RNF150: variants seen among roughly 807,000 people sequenced by gnomAD.
RNF150 encodes the protein ring finger protein 150.
A neutral mutation model predicts 39.3 loss-of-function variants in RNF150; 24 were observed. The observed-to-expected ratio is 0.61, with a 90% CI of 0.44 to 0.86. RNF150 has a LOEUF of 0.86. Among genes scored for constraint, RNF150 ranks in the 40% least tolerant of loss-of-function variants. The pLI is 0.00. For missense variants in RNF150, 502 were observed against 587.8 expected (o/e 0.85, Z 1.51); for synonymous variants, 255 against 227.3 (o/e 1.12, Z -1.10).
intron 1 of RNF150, among the ~76,000 whole-genome samples, chr4:141,014,591 T>C (rs1289678903): frequency 6.6e-6 from 1 of 152,154 alleles, no homozygotes; most frequent in Non-Finnish European, 1.5e-5. Context: ...TAATGATCAG[T>C]GAAACTGAGC....
chr4:141,090,259 A>T (rs1738528906), intron 1 of RNF150, among the ~76,000 whole-genome samples: 1 of 152,154 alleles, frequency 6.6e-6, no homozygotes, highest in Admixed American at 6.5e-5. Flanking sequence ...TCTATGCTTC[A>T]TTTTCATGAG....
chr4:140,889,029 C>T (rs919938337), intron 6 of RNF150, among the ~76,000 whole-genome samples: 2 of 151,752 alleles, frequency 1.3e-5, no homozygotes, highest in African/African-American at 4.8e-5. Context: ...TCTTCTAACT[C>T]TTTAAACAGT....
chr4:141,060,982 C>T (rs182167300), intron 1 of RNF150, among the ~76,000 whole-genome samples: 2 of 152,106 alleles, frequency 1.3e-5, no homozygotes, highest in Admixed American at 6.5e-5. Flanking sequence ...ACACTGGGGC[C>T]TTTTGCGGGG....
chr4:141,090,541 A>G (rs976939810), intron 1 of RNF150, among the ~76,000 whole-genome samples: 1 of 152,216 alleles, frequency 6.6e-6, no homozygotes, highest in African/African-American at 2.4e-5. Context: ...ATACTTAGAA[A>G]GCAATTTTAG....
chr4:141,026,055 G>A (rs946748491), intron 1 of RNF150, among the ~76,000 whole-genome samples: 1 of 152,144 alleles, frequency 6.6e-6, no homozygotes, highest in Non-Finnish European at 1.5e-5. Context: ...AAGCCAGGAA[G>A]AGGGACCTCA....
intron 2 of RNF150, among the ~76,000 whole-genome samples, chr4:140,951,266 G>T (rs1017940649): frequency 6.6e-6 from 1 of 152,072 alleles, no homozygotes; most frequent in African/African-American, 2.4e-5. Flanking sequence ...GCAGGCCTAT[G>T]CTTAGTTTTT....
At chr4:140,885,507 G>A (rs1488462023) in intron 6 of RNF150, among the ~76,000 whole-genome samples, 2 of 149,046 alleles carry the variant, frequency 1.3e-5, no homozygotes, top group African/African-American at 5.0e-5. Flanking sequence ...TGCGATCTCG[G>A]CTCACTGCAA....
upstream of RNF150, among the ~76,000 whole-genome samples, chr4:141,135,725 A>T (rs577585319): frequency 8.8e-4 from 134 of 152,352 alleles, 1 homozygote; most frequent in Middle Eastern, 3.4e-3. Context: ...ACTAAGGCTG[A>T]TGAGTAGGTG....
chr4:140,968,514 T>C (rs1733337566), intron 1 of RNF150, among the ~76,000 whole-genome samples: 1 of 151,908 alleles, frequency 6.6e-6, no homozygotes, highest in African/African-American at 2.4e-5. Context: ...GGAAACAGCA[T>C]GTTTCCACTG....
At chr4:141,001,425 T>C (rs1734664369) in intron 1 of RNF150, among the ~76,000 whole-genome samples, 1 of 152,084 alleles carries the variant, frequency 6.6e-6, no homozygotes, top group African/African-American at 2.4e-5. Flanking sequence ...TAGTCATTAC[T>C]GAATAAAGAC....
At chr4:140,978,918 T>C (rs1579022630) in intron 1 of RNF150, among the ~76,000 whole-genome samples, 2 of 152,328 alleles carry the variant, frequency 1.3e-5, no homozygotes, top group East Asian at 3.9e-4. Flanking sequence ...AGTCAGTTTC[T>C]ATTAGAGCAA....
chr4:140,994,269 G>A (rs1734287444), intron 1 of RNF150, among the ~76,000 whole-genome samples: 1 of 152,214 alleles, frequency 6.6e-6, no homozygotes, highest in African/African-American at 2.4e-5. Flanking sequence ...GAAAGCTGCA[G>A]CCAGATCTCT....
chr4:141,107,320 AC>A (rs1317474187), intron 1 of RNF150, among the ~76,000 whole-genome samples: 1 of 152,162 alleles, frequency 6.6e-6, no homozygotes, highest in African/African-American at 2.4e-5. Flanking sequence ...CATATACATA[AC>A]CCATTTACAT....
In RNF150 at chr4:140,933,344, G is replaced by A. The variant is rs534478414; in HGVS notation, c.891-7271C>T. ...TTACATAACTCAACATATAGAAGAAGCAAAAGTTGAGTTTCCCTCATCTGA... is the reference window on the plus strand; with the variant it reads ...TTACATAACTCAACATATAGAAGAAACAAAAGTTGAGTTTCCCTCATCTGA... On this transcript the variant is annotated intron_variant, in intron 4 of 6. Coordinates refer to ENST00000515673, the MANE Select transcript of RNF150 (RefSeq NM_020724.2). 4.0e-4 allele frequency among the ~76,000 whole-genome samples: 61 copies of A among 152,228 alleles called. No individual in the cohort carries two copies. The South Asian group carries it at 8.7e-3, about 22-fold the overall frequency.
At chr4:141,190,797 T>A (rs1054999696) in intron 1 of RNF150, among the ~76,000 whole-genome samples, 22 of 152,230 alleles carry the variant, frequency 1.4e-4, no homozygotes, top group African/African-American at 5.3e-4. Flanking sequence ...AATCTGCACT[T>A]GGATATGGAG....
At chr4:141,135,317 T>C (rs889831552), upstream of RNF150, among the ~76,000 whole-genome samples, 2 of 152,228 alleles carry the variant, frequency 1.3e-5, no homozygotes, top group African/African-American at 4.8e-5. Flanking sequence ...GGCCAGAAGA[T>C]CTTCGTTTCT....
At chr4:141,167,616 C>A (rs1406066968) in intron 1 of RNF150, among the ~76,000 whole-genome samples, 1 of 152,082 alleles carries the variant, frequency 6.6e-6, no homozygotes, top group Non-Finnish European at 1.5e-5. Context: ...TGGAAGAGAA[C>A]AACAGCCTCA....
intron 1 of RNF150, among the ~76,000 whole-genome samples, chr4:141,210,745 T>C (rs78108605): frequency 0.047 from 7,179 of 152,138 alleles, 566 homozygotes; most frequent in African/African-American, 0.16. Context: ...TTAATATCAA[T>C]TTTTCCATTT....
rs1179221203 is a variant in RNF150, at chr4:140,946,902, C to CA, written c.890+751dup. On this transcript the variant is annotated intron_variant, in intron 4 of 6. Transcript: ENST00000515673. ...TATTTTTGGGACATTTACACAGATG[C>CA]AAAAAACACTAAAAATGGTTGTCAG... 6.6e-5 allele frequency among the ~76,000 whole-genome samples: 10 copies of CA among 151,930 alleles called. 1 individual carries two copies. The East Asian group carries it at 9.6e-4, about 15-fold the overall frequency.
Sources: allele counts gnomAD v4.1 joint callset (sites outside exome capture counted in the v4.1 genomes callset), GRCh38; gene constraint gnomAD v4.1.1; transcripts MANE v1.5; gene names NCBI Gene and HGNC (gene_info 2026-07-23, HGNC 2026-07-21).